Variants in PLPP1 observed in about 807,000 individuals in gnomAD.
PLPP1 encodes the protein phospholipid phosphatase 1.
In PLPP1, 24 loss-of-function variants were observed where a neutral mutation model predicts 31.2. The ratio of observed to expected loss-of-function variants is 0.77; its 90% CI spans 0.56 to 1.08. PLPP1 has a LOEUF of 1.08. Among genes scored for constraint, PLPP1 ranks in the 50% least tolerant of loss-of-function variants. PLPP1 has a pLI of 0.00. For missense variants in PLPP1, 319 were observed against 342.7 expected, an observed-to-expected ratio of 0.93 and a Z score of 0.55; for synonymous variants, 146 against 126.3, an observed-to-expected ratio of 1.16 and a Z score of -1.05.
At chr5:55,456,914 C>A (rs1752025523) in intron 3 of PLPP1, among the ~76,000 whole-genome samples, 1 of 152,134 alleles carries the variant, frequency 6.6e-6, no homozygotes, top group Non-Finnish European at 1.5e-5. Flanking sequence ...ATAATCCCAG[C>A]ACTTTGGGAG....
intron 4 of PLPP1, among the ~76,000 whole-genome samples, chr5:55,434,148 AAG>A (rs1420156271): frequency 5.3e-5 from 8 of 151,740 alleles, no homozygotes; most frequent in African/African-American, 1.2e-4. Context: ...AAAAAAAAAA[AAG>A]AGCAATCCCA....
intron 4 of PLPP1, among the ~76,000 whole-genome samples, chr5:55,429,943 T>C (rs1228298711): frequency 6.6e-6 from 1 of 151,968 alleles, no homozygotes; most frequent in East Asian, 1.9e-4. Context: ...TACACACCAC[T>C]GAGGGACCTA....
Position 55,534,615 on chromosome 5 carries a change from C to A in PLPP1, c.15G>T (p.Thr5=), listed in dbSNP as rs1389989835. 44 of 1,558,434 alleles carry A rather than the reference C, an allele frequency of 2.8e-5. No homozygotes were observed. Among genetic ancestry groups the A allele is most frequent in the Non-Finnish European group, 3.6e-5 (42 of 1,154,230 alleles). MFDK[T]RLPYVALDVL... ...CATCGAGGGCCACGTACGGCAGCCG[C>A]GTCTTGTCAAACATGGTCTCTGCCC... The change falls in exon 1 of 6, where the codon ACG becomes ACT. Residue 5 remains threonine (T), a synonymous_variant. Transcript: ENST00000307259.
At chr5:55,436,485 A>C (rs1234738234) in intron 4 of PLPP1, among the ~76,000 whole-genome samples, 3 of 152,208 alleles carry the variant, frequency 2.0e-5, no homozygotes, top group Non-Finnish European at 4.4e-5. Context: ...AAGGCCTCCT[A>C]AGCCACGGGG....
chr5:55,492,460 A>G (rs1752915986), intron 1 of PLPP1, among the ~76,000 whole-genome samples: 1 of 152,224 alleles, frequency 6.6e-6, no homozygotes, highest in South Asian at 2.1e-4. Flanking sequence ...AAAATGGCAT[A>G]GAAGGACCTA....
intron 1 of PLPP1, among the ~76,000 whole-genome samples, chr5:55,526,699 G>A (rs563012948): frequency 3.9e-5 from 6 of 152,072 alleles, no homozygotes; most frequent in African/African-American, 7.2e-5. Context: ...TTGGGAGGCC[G>A]AGGTGGGCGG....
intron 1 of PLPP1, among the ~76,000 whole-genome samples, chr5:55,518,090 C>CA (rs1161960150): frequency 6.6e-6 from 1 of 152,194 alleles, no homozygotes; most frequent in Non-Finnish European, 1.5e-5. Flanking sequence ...GCCTCGGCCT[C>CA]CCAGAGTGCT....
At chr5:55,516,970 T>G (rs895647344) in intron 1 of PLPP1, among the ~76,000 whole-genome samples, 2 of 152,290 alleles carry the variant, frequency 1.3e-5, no homozygotes, top group East Asian at 3.9e-4. Context: ...GCAGAAAGTA[T>G]TAATATGTCT....
intron 2 of PLPP1, among the ~76,000 whole-genome samples, chr5:55,470,544 C>A (rs1752394097): frequency 6.6e-6 from 1 of 152,164 alleles, no homozygotes; most frequent in African/African-American, 2.4e-5. Context: ...TGAAACTTAA[C>A]CATTAATAAT....
At chr5:55,482,974 CATATATATAGTAAATA>C (rs1007205414) in intron 1 of PLPP1, among the ~76,000 whole-genome samples, 1 of 152,118 alleles carries the variant, frequency 6.6e-6, no homozygotes, top group Non-Finnish European at 1.5e-5. Flanking sequence ...AGAAAATCCA[CATATATATAGTAAATA>C]ATCTCCCTCA....
chr5:55,458,907 A>C (rs899359159), intron 3 of PLPP1, among the ~76,000 whole-genome samples: 1 of 149,282 alleles, frequency 6.7e-6, no homozygotes, highest in Non-Finnish European at 1.5e-5. Flanking sequence ...AAAAAAAAAA[A>C]AAAAAAAAAC....
intron 1 of PLPP1, among the ~76,000 whole-genome samples, chr5:55,492,731 C>T (rs1046793364): frequency 3.9e-5 from 6 of 152,206 alleles, no homozygotes; most frequent in Non-Finnish European, 7.3e-5. Context: ...AATTAGGCCA[C>T]ATAGATTAAC....
chr5:55,443,192 A>AAAAATATATATAT lies in PLPP1; in HGVS notation c.492-1285_492-1284insATATATATATTTT. 4.7e-3 allele frequency among the ~76,000 whole-genome samples: 120 copies of AAAAATATATATAT among 25,356 alleles called. 1 individual carries two copies. The highest frequency in any genetic ancestry group is 6.6e-3 in the Non-Finnish European group (76 of 11,554). The allele number at this position is 25,356 out of a possible 152,430, so 16.6% of individuals were successfully genotyped here. ...AAGGATTACTTAAAAAAAAAAAAAA[A>AAAAATATATATAT]ATATATATATATATATATATACACA... On this transcript the variant is annotated intron_variant, in intron 3 of 5. Coordinates refer to ENST00000307259, the MANE Select transcript of PLPP1 (RefSeq NM_003711.4).
chr5:55,460,124 G>T (rs1231309755), intron 3 of PLPP1, among the ~76,000 whole-genome samples: 1 of 152,142 alleles, frequency 6.6e-6, no homozygotes, highest in Non-Finnish European at 1.5e-5. Flanking sequence ...GTTATTATAT[G>T]TGAAGTTTTG....
chr5:55,520,899 G>A (rs1753650115), intron 1 of PLPP1, among the ~76,000 whole-genome samples: 1 of 152,132 alleles, frequency 6.6e-6, no homozygotes, highest in Non-Finnish European at 1.5e-5. Flanking sequence ...TGGTTTCAGG[G>A]GAAATTGTTC....
chr5:55,468,524 G>T (rs35441344), intron 2 of PLPP1, among the ~76,000 whole-genome samples: 2 of 151,990 alleles, frequency 1.3e-5, no homozygotes, highest in African/African-American at 4.8e-5. Flanking sequence ...ACTTCCAGCC[G>T]GGTGTGGTGG....
intron 2 of PLPP1, among the ~76,000 whole-genome samples, chr5:55,472,053 T>C (rs1026913479): frequency 3.9e-5 from 6 of 151,948 alleles, no homozygotes; most frequent in South Asian, 2.1e-4. Flanking sequence ...ACCCAGGAGG[T>C]TGAGGCTGCA....
intron 1 of PLPP1, among the ~76,000 whole-genome samples, chr5:55,480,672 T>A (rs528685338): frequency 6.6e-6 from 1 of 152,336 alleles, no homozygotes; most frequent in East Asian, 1.9e-4. Context: ...TATACCACAT[T>A]TGGTTTACCC....
intron 1 of PLPP1, among the ~76,000 whole-genome samples, chr5:55,481,995 T>C (rs115613985): frequency 1.3e-5 from 2 of 148,284 alleles, no homozygotes; most frequent in South Asian, 4.2e-4. Context: ...TACATATATA[T>C]ATTTTTATTT....
Sources: gnomAD v4.1 joint callset for allele counts (sites outside exome capture counted in the v4.1 genomes callset) on GRCh38, gnomAD v4.1.1 for gene constraint, MANE v1.5 for transcripts, NCBI Gene and HGNC (gene_info 2026-07-23, HGNC 2026-07-21) for gene names.